The following ABI2 variants were observed in gnomAD, a reference collection of about 807,000 sequenced individuals.
The protein encoded by ABI2 is abl interactor 2, also known as abelson interactor 2.
In ABI2, 25 loss-of-function variants were observed where a neutral mutation model predicts 59.2. That is an observed-to-expected ratio of 0.42 (90% CI 0.31 to 0.59). The LOEUF is 0.59. ABI2 is among the 20% of genes least tolerant of loss of function. The probability of loss-of-function intolerance (pLI) is 0.14; values close to 1 mark genes in which losing one functional copy is unlikely to be tolerated. For synonymous variants in ABI2, 213 were observed against 235.5 expected (o/e 0.90, Z 0.87); for missense variants, 545 against 681.8 (o/e 0.80, Z 2.23).
chr2:203,401,068 G>GCC (rs1417762824), intron 8 of ABI2, among the ~76,000 whole-genome samples: 2 of 152,102 alleles, frequency 1.3e-5, no homozygotes, highest in Admixed American at 1.3e-4. Flanking sequence ...AGATGAGTGT[G>GCC]CCAGGTATCA....
chr2:203,360,648 G>A lies in ABI2; in HGVS notation c.118-6229G>A, dbSNP rs564380302. 3.9e-5 allele frequency among the ~76,000 whole-genome samples: 6 copies of A among 152,338 alleles called. No individual in the cohort carries two copies. The South Asian group carries it at 6.2e-4, about 16-fold the overall frequency. On this transcript the variant is annotated intron_variant, in intron 1 of 11. Transcript: ENST00000261018. ...GACCTGATTCAGGCTAGTAAGTGAC[G>A]TTTGCCTAGAGATCAGTCTAACTGG... is the stretch of plus-strand genomic sequence containing the variant.
chr2:203,331,656 G>A (rs1427184703), intron 1 of ABI2, among the ~76,000 whole-genome samples: 2 of 151,806 alleles, frequency 1.3e-5, no homozygotes, highest in Non-Finnish European at 2.9e-5. Flanking sequence ...CACCGCACCT[G>A]GCCAATTTAG....
intron 4 of ABI2, among the ~76,000 whole-genome samples, chr2:203,384,307 T>TTTGTTTTTTTG (rs1559289547): frequency 1.3e-4 from 15 of 115,556 alleles, no homozygotes; most frequent in African/African-American, 4.6e-4. Context: ...TTTTTTTTTT[T>TTTGTTTTTTTG]TTTTTTTTTT....
chr2:203,372,375 A>G (rs1577570222), intron 2 of ABI2, among the ~76,000 whole-genome samples: 1 of 151,822 alleles, frequency 6.6e-6, no homozygotes, highest in African/African-American at 2.4e-5. Flanking sequence ...TCTTTTCCCC[A>G]CCTTTCCCCC....
intron 1 of ABI2, among the ~76,000 whole-genome samples, chr2:203,332,347 C>T (rs1250167934): frequency 6.6e-6 from 1 of 151,976 alleles, no homozygotes; most frequent in Non-Finnish European, 1.5e-5. Flanking sequence ...CACACCTAGG[C>T]CGGGCACGGT....
intron 1 of ABI2, among the ~76,000 whole-genome samples, chr2:203,362,956 G>A (rs1459478645): frequency 6.6e-6 from 1 of 152,034 alleles, no homozygotes; most frequent in African/African-American, 2.4e-5. Flanking sequence ...TCAGCCTCCT[G>A]AGGAGCTGGG....
intron 2 of ABI2, chr2:203,374,704 C>A: frequency 2.6e-6 from 1 of 379,926 alleles, no homozygotes; most frequent in Non-Finnish European, 5.6e-6. Context: ...TAATTTGAAG[C>A]ATAATTGTAA....
intron 2 of ABI2, among the ~76,000 whole-genome samples, chr2:203,368,993 T>A (rs2094823609): frequency 8.4e-6 from 1 of 119,482 alleles, no homozygotes; most frequent in Non-Finnish European, 1.7e-5. Context: ...GATTTTTTTT[T>A]TTTTTTTTTT....
intron 1 of ABI2, among the ~76,000 whole-genome samples, chr2:203,344,166 A>G (rs1002938091): frequency 2.6e-5 from 4 of 152,152 alleles, no homozygotes; most frequent in East Asian, 1.9e-4. Context: ...TAGCGCTTCA[A>G]CTGTTTAGAG....
intron 10 of ABI2, among the ~76,000 whole-genome samples, chr2:203,414,181 C>T (rs533613450): frequency 4.0e-5 from 6 of 151,624 alleles, no homozygotes; most frequent in South Asian, 4.2e-4. Flanking sequence ...GGCTCTCTGC[C>T]ACCTTCCCCT....
Position 203,394,844 on chromosome 2 carries a change from C to G in ABI2, c.723C>G (p.Tyr241Ter). The part of the protein sequence containing the change: ...TASVNQRNRT[Y>*]SSSGSSGGSH... Reference sequence around the variant, plus strand: ...CTGTGAATCAAAGAAATCGAACTTACAGGTATTTTCTCTACCTCAGTGCAA... The same window carrying G: ...CTGTGAATCAAAGAAATCGAACTTAGAGGTATTTTCTCTACCTCAGTGCAA... The change falls in exon 6 of 12, where the codon TAC becomes TAG. Residue 241 changes from tyrosine (Y) to a stop codon, truncating the protein, a stop_gained and splice_region_variant. Coordinates refer to ENST00000261018, the MANE Select transcript of ABI2 (RefSeq NM_001375670.1). LOFTEE classifies it high-confidence loss of function. The G allele has an allele frequency of 6.2e-7, 1 of 1,614,048 alleles. No individual in the cohort carries two copies. The highest frequency in any genetic ancestry group is 8.5e-7 in the Non-Finnish European group (1 of 1,179,958).
intron 1 of ABI2, among the ~76,000 whole-genome samples, chr2:203,364,267 T>C (rs2094027025): frequency 6.6e-6 from 1 of 151,996 alleles, no homozygotes; most frequent in African/African-American, 2.4e-5. Flanking sequence ...CTAATTTTTG[T>C]ATTTTTAGTA....
At chr2:203,351,728 A>G (rs1465479819) in intron 1 of ABI2, 2 of 312,216 alleles carry the variant, frequency 6.4e-6, no homozygotes, top group African/African-American at 2.3e-5. Flanking sequence ...TAGAGCCAGC[A>G]TCTCACTTCA....
At chr2:203,381,876 A>G (rs1462951068) in intron 3 of ABI2, among the ~76,000 whole-genome samples, 1 of 152,156 alleles carries the variant, frequency 6.6e-6, no homozygotes, top group Admixed American at 6.5e-5. Context: ...TCAAAGTAAA[A>G]TGTTTTTCTT....
chr2:203,376,259 G>A (rs756430418), intron 2 of ABI2: 1 of 624,628 alleles, frequency 1.6e-6, no homozygotes, highest in South Asian at 2.2e-5. Flanking sequence ...GTGGGGGAGT[G>A]CTACAGTTAT....
chr2:203,427,036 G>A, intron 11 of ABI2, 141 bp from the exon 12 acceptor site: 4 of 652,104 alleles, frequency 6.1e-6, no homozygotes, highest in Non-Finnish European at 1.0e-5. Flanking sequence ...AAAAAAACAT[G>A]TAAGTTTTGG....
At chr2:203,402,349 A>G (rs189638187) in intron 8 of ABI2, among the ~76,000 whole-genome samples, 1 of 152,284 alleles carries the variant, frequency 6.6e-6, no homozygotes, top group East Asian at 1.9e-4. Flanking sequence ...TTAGTAAACT[A>G]TTTAGACATA....
At chr2:203,411,207 T>G in intron 9 of ABI2, 78 bp from the exon 10 acceptor site, 2 of 1,107,782 alleles carry the variant, frequency 1.8e-6, no homozygotes, top group Non-Finnish European at 2.8e-6. Flanking sequence ...TTTATGTGTT[T>G]ATTTTATTGT....
chr2:203,418,780 C>T (rs575597259), intron 11 of ABI2, among the ~76,000 whole-genome samples: 392 of 152,310 alleles, frequency 2.6e-3, no homozygotes, highest in African/African-American at 8.9e-3. Context: ...AGGCAGAAAT[C>T]ATTGGGAGCT....
Sources: allele counts gnomAD v4.1 joint callset (sites outside exome capture counted in the v4.1 genomes callset), GRCh38; gene constraint gnomAD v4.1.1; transcripts MANE v1.5; gene names NCBI Gene and HGNC (gene_info 2026-07-23, HGNC 2026-07-21).